The following BCKDHB variants were observed in gnomAD, a reference collection of about 807,000 sequenced individuals.
The protein encoded by BCKDHB is 2-oxoisovalerate dehydrogenase subunit beta, mitochondrial.
A neutral mutation model predicts 48.5 loss-of-function variants in BCKDHB; 41 were observed. The observed-to-expected ratio is 0.85, with a 90% CI of 0.66 to 1.10. The LOEUF (loss-of-function observed/expected upper bound fraction) is 1.10. Among genes scored for constraint, BCKDHB ranks in the 50% least tolerant of loss-of-function variants. The pLI is 0.00. For missense variants in BCKDHB, 496 were observed against 494.2 expected, an observed-to-expected ratio of 1.00 and a Z score of -0.03; for synonymous variants, 201 against 174.8, an observed-to-expected ratio of 1.15 and a Z score of -1.18.
At chr6:80,401,826 CA>C in the BCKDHB span, among the ~76,000 whole-genome samples, 207 of 151,870 alleles carry the variant, frequency 1.4e-3, no homozygotes, top group African/African-American at 4.4e-3. Context: ...TTATATTATA[CA>C]GTAATTGTTT....
chr6:80,194,264 A>C (rs1366207800), intron 6 of BCKDHB, among the ~76,000 whole-genome samples: 2 of 152,232 alleles, frequency 1.3e-5, no homozygotes, highest in Non-Finnish European at 2.9e-5. Flanking sequence ...ATTTCGAAAT[A>C]GTTCAAACAA....
chr6:80,194,258 C>T (rs77843436), intron 6 of BCKDHB, among the ~76,000 whole-genome samples: 28 of 151,886 alleles, frequency 1.8e-4, no homozygotes, highest in Non-Finnish European at 3.2e-4. Context: ...ATTTTTATTT[C>T]GAAATAGTTC....
the BCKDHB span, among the ~76,000 whole-genome samples, chr6:80,409,813 G>A: frequency 5.3e-5 from 8 of 151,526 alleles, no homozygotes; most frequent in Admixed American, 5.3e-4. Flanking sequence ...GAGCCTATGT[G>A]TGTCTCTGCA....
intron 8 of BCKDHB, among the ~76,000 whole-genome samples, chr6:80,259,244 C>T (rs1006370886): frequency 6.6e-6 from 1 of 152,196 alleles, no homozygotes; most frequent in African/African-American, 2.4e-5. Flanking sequence ...CTGTCTTGCT[C>T]ACTGATCAGC....
At chr6:80,190,547 T>C (rs1459484447) in intron 6 of BCKDHB, among the ~76,000 whole-genome samples, 1 of 152,120 alleles carries the variant, frequency 6.6e-6, no homozygotes, top group African/African-American at 2.4e-5. Flanking sequence ...TCACATTGAG[T>C]TGTAAGGATA....
the BCKDHB span, among the ~76,000 whole-genome samples, chr6:80,398,811 A>G: frequency 4.6e-5 from 7 of 152,182 alleles, no homozygotes; most frequent in African/African-American, 1.7e-4. Context: ...ACTTCAGGCA[A>G]ATATTCTTGA....
chr6:80,184,380 TG>T (rs1773546785), intron 6 of BCKDHB, among the ~76,000 whole-genome samples: 1 of 152,142 alleles, frequency 6.6e-6, no homozygotes, highest in Non-Finnish European at 1.5e-5. Context: ...GATACTTGGT[TG>T]GTAGATTTTT....
chr6:80,121,762 G>T (rs971459167), intron 1 of BCKDHB, among the ~76,000 whole-genome samples: 1 of 152,070 alleles, frequency 6.6e-6, no homozygotes, highest in African/African-American at 2.4e-5. Context: ...GGGCTGAGAC[G>T]ATGGGGTTTT....
At chr6:80,192,297 CTA>C (rs1168512796) in intron 6 of BCKDHB, among the ~76,000 whole-genome samples, 1 of 151,718 alleles carries the variant, frequency 6.6e-6, no homozygotes, top group Non-Finnish European at 1.5e-5. Context: ...CTTTTAAACT[CTA>C]TGTGCTGATG....
At chr6:80,327,609 T>G (rs768905601) in intron 9 of BCKDHB, among the ~76,000 whole-genome samples, 6 of 152,172 alleles carry the variant, frequency 3.9e-5, no homozygotes, top group South Asian at 2.1e-4. Flanking sequence ...CTTTTTAGGT[T>G]TTTATTACAA....
At chr6:80,205,032 G>A (rs1176509024) in intron 8 of BCKDHB, among the ~76,000 whole-genome samples, 1 of 151,982 alleles carries the variant, frequency 6.6e-6, no homozygotes, top group African/African-American at 2.4e-5. Context: ...GCTTTCATCC[G>A]GTTGTGACAG....
chr6:80,301,600 A>C (rs1767585499), intron 9 of BCKDHB, among the ~76,000 whole-genome samples: 1 of 152,180 alleles, frequency 6.6e-6, no homozygotes, highest in African/African-American at 2.4e-5. Context: ...TACCAATCCT[A>C]CTGAAACTCT....
the BCKDHB span, chr6:80,374,342 C>A: frequency 2.9e-5 from 27 of 937,212 alleles, 1 homozygote; most frequent in South Asian, 3.4e-4. Flanking sequence ...GTGTCTAGCC[C>A]CACTGCTTGG....
intron 9 of BCKDHB, among the ~76,000 whole-genome samples, chr6:80,282,970 A>C (rs546057875): frequency 6.6e-6 from 1 of 152,064 alleles, no homozygotes; most frequent in South Asian, 2.1e-4. Context: ...TTCCTTTATC[A>C]TGTACATTTG....
intron 9 of BCKDHB, among the ~76,000 whole-genome samples, chr6:80,295,326 A>G (rs778943197): frequency 1.3e-5 from 2 of 152,164 alleles, no homozygotes; most frequent in Non-Finnish European, 2.9e-5. Context: ...AGGCCTCATA[A>G]TCATGGCAGA....
intron 9 of BCKDHB, among the ~76,000 whole-genome samples, chr6:80,293,386 C>G (rs1562208830): frequency 6.6e-6 from 1 of 152,216 alleles, no homozygotes; most frequent in Non-Finnish European, 1.5e-5. Flanking sequence ...GAGGCTTGCA[C>G]CCTCTAAAGC....
chr6:80,237,055 A>G (rs1300155578), intron 8 of BCKDHB, among the ~76,000 whole-genome samples: 2 of 148,640 alleles, frequency 1.3e-5, no homozygotes, highest in African/African-American at 2.6e-5. Context: ...TTTCATTCTG[A>G]GAGAATTTTA....
At chr6:80,333,483 C>A (rs925835703) in intron 9 of BCKDHB, among the ~76,000 whole-genome samples, 3 of 152,102 alleles carry the variant, frequency 2.0e-5, no homozygotes, top group Non-Finnish European at 1.5e-5. Flanking sequence ...GGCATATGGG[C>A]AAATACATTT....
At chr6:80,424,490 A>G in the BCKDHB span, among the ~76,000 whole-genome samples, 1 of 152,194 alleles carries the variant, frequency 6.6e-6, no homozygotes, top group Non-Finnish European at 1.5e-5. Context: ...ATATTATATA[A>G]TTTCATTACA....
Sources: gnomAD v4.1 joint callset for allele counts (sites outside exome capture counted in the v4.1 genomes callset) on GRCh38, gnomAD v4.1.1 for gene constraint, MANE v1.5 for transcripts, NCBI Gene and HGNC (gene_info 2026-07-23, HGNC 2026-07-21) for gene names.